GPC6: variants seen among roughly 807,000 people sequenced by gnomAD.
GPC6 encodes the protein glypican 6, also known as glypican-6.
Under a neutral mutation model 55.2 loss-of-function variants are expected in GPC6, and 14 were observed. The ratio of observed to expected loss-of-function variants is 0.25; its 90% CI spans 0.17 to 0.40. The LOEUF is 0.40. Among genes scored for constraint, GPC6 ranks in the 10% least tolerant of loss-of-function variants. The pLI, the probability that GPC6 is intolerant of heterozygous loss-of-function variation, is 1.00. For missense variants in GPC6, 641 were observed against 708.5 expected (o/e 0.90, Z 1.08); for synonymous variants, 278 against 259.6 (o/e 1.07, Z -0.68).
chr13:94,104,801 T>G (rs991579840), intron 4 of GPC6, among the ~76,000 whole-genome samples: 2 of 151,968 alleles, frequency 1.3e-5, no homozygotes, highest in African/African-American at 4.8e-5. Context: ...AAACGGCTGC[T>G]CAACAAAATA....
At chr13:93,728,635 C>T (rs1883724850) in intron 2 of GPC6, among the ~76,000 whole-genome samples, 1 of 151,726 alleles carries the variant, frequency 6.6e-6, no homozygotes, top group Non-Finnish European at 1.5e-5. Context: ...GGTACAATTT[C>T]AGCTCACTGC....
intron 1 of GPC6, among the ~76,000 whole-genome samples, chr13:93,514,685 T>C (rs1308148440): frequency 6.6e-6 from 1 of 152,188 alleles, no homozygotes; most frequent in Non-Finnish European, 1.5e-5. Context: ...TATTTTTCTA[T>C]GAAATGTGAG....
At chr13:94,115,832 C>G (rs1189453130) in intron 4 of GPC6, among the ~76,000 whole-genome samples, 1 of 152,050 alleles carries the variant, frequency 6.6e-6, no homozygotes, top group Non-Finnish European at 1.5e-5. Context: ...ATTTATAAAT[C>G]ACATTATAGT....
chr13:94,339,616 G>T (rs1877915944), intron 6 of GPC6, among the ~76,000 whole-genome samples: 1 of 152,132 alleles, frequency 6.6e-6, no homozygotes. Flanking sequence ...GATGATCTTT[G>T]TAGGTCAAAG....
At chr13:94,212,921 G>A (rs1319577396) in intron 4 of GPC6, among the ~76,000 whole-genome samples, 1 of 152,202 alleles carries the variant, frequency 6.6e-6, no homozygotes, top group African/African-American at 2.4e-5. Context: ...ACTTTGGGAG[G>A]CCAAGGTGGG....
chr13:94,028,041 G>A (rs549059414), intron 4 of GPC6, 147 bp downstream of exon 4: 32 of 756,646 alleles, frequency 4.2e-5, no homozygotes, highest in Non-Finnish European at 7.1e-5. Flanking sequence ...AGTACAGATG[G>A]ATTGCTTGAG....
intron 2 of GPC6, among the ~76,000 whole-genome samples, chr13:93,776,978 C>G (rs752487661): frequency 3.9e-5 from 6 of 152,182 alleles, no homozygotes; most frequent in Non-Finnish European, 5.9e-5. Flanking sequence ...CAACCCCTGT[C>G]AGATTTCCTT....
In GPC6 at chr13:93,612,340, A is replaced by G. The variant is rs139365000; in HGVS notation, c.319+66919A>G. On this transcript the variant is annotated intron_variant, in intron 2 of 8. Coordinates refer to ENST00000377047, the MANE Select transcript of GPC6 (RefSeq NM_005708.5). ...TGGTGAAACCCTGTCTCTACTAAAA[A>G]TGCAAAAAATTAGCCGAGCATGGTG... Among the ~76,000 whole-genome samples, 92 of 152,268 alleles carry G rather than the reference A, an allele frequency of 6.0e-4. No individual in the cohort carries two copies. In the East Asian group the frequency reaches 0.017, roughly 29 times the overall value.
chr13:93,664,096 T>C (rs1435587181), intron 2 of GPC6, among the ~76,000 whole-genome samples: 1 of 152,186 alleles, frequency 6.6e-6, no homozygotes, highest in East Asian at 1.9e-4. Context: ...TTTGTAACAC[T>C]TTTAGGAAAT....
At chr13:94,303,644 T>A (rs1875780627) in intron 5 of GPC6, among the ~76,000 whole-genome samples, 1 of 152,232 alleles carries the variant, frequency 6.6e-6, no homozygotes, top group Middle Eastern at 3.4e-3. Flanking sequence ...TTCCTCAGTT[T>A]TGGTCACAGA....
intron 2 of GPC6, among the ~76,000 whole-genome samples, chr13:93,702,635 T>C (rs959979815): frequency 1.3e-5 from 2 of 152,042 alleles, no homozygotes; most frequent in Non-Finnish European, 2.9e-5. Context: ...TGTTATTTAG[T>C]GTCCCCATCT....
At chr13:93,995,397 A>G (rs1272959375) in intron 3 of GPC6, among the ~76,000 whole-genome samples, 1 of 152,040 alleles carries the variant, frequency 6.6e-6, no homozygotes, top group Non-Finnish European at 1.5e-5. Context: ...CATGTTGTCC[A>G]GGCTGGTCTC....
At chr13:94,192,653 A>G (rs1366231605) in intron 4 of GPC6, among the ~76,000 whole-genome samples, 1 of 152,188 alleles carries the variant, frequency 6.6e-6, no homozygotes, top group Non-Finnish European at 1.5e-5. Context: ...GTACACTTGT[A>G]TGCAGAGAAA....
intron 6 of GPC6, among the ~76,000 whole-genome samples, chr13:94,322,632 T>G (rs1169118426): frequency 6.6e-6 from 1 of 152,166 alleles, no homozygotes; most frequent in East Asian, 1.9e-4. Flanking sequence ...AGATTTTTAA[T>G]TTAATAAAAA....
chr13:93,822,373 A>C (rs1594488134), intron 2 of GPC6, among the ~76,000 whole-genome samples: 1 of 152,270 alleles, frequency 6.6e-6, no homozygotes, highest in Non-Finnish European at 1.5e-5. Context: ...CAGAGGTTTG[A>C]GCATGCTCTC....
rs190541110 is a variant in GPC6 at position 93,399,777 on chromosome 13, G to T, written c.161-145486G>T. On this transcript the variant is annotated intron_variant, in intron 1 of 8. Transcript: ENST00000377047. Reference sequence around the variant, plus strand: ...ATGGGCTTTGTACACATGGCCTCCTGCCCACACCTTCCGAGCTTCCCAAAT... The same window carrying T: ...ATGGGCTTTGTACACATGGCCTCCTTCCCACACCTTCCGAGCTTCCCAAAT... Among the ~76,000 whole-genome samples, 4 of 152,312 alleles carry T rather than the reference G, an allele frequency of 2.6e-5. No homozygotes were observed. In the East Asian group the frequency reaches 7.7e-4, roughly 29 times the overall value.
intron 1 of GPC6, among the ~76,000 whole-genome samples, chr13:93,319,539 A>G (rs7982402): frequency 0.02 from 2,983 of 152,074 alleles, 79 homozygotes; most frequent in African/African-American, 0.068. Context: ...AAAACTTTGG[A>G]AGCAGGAGTA....
intron 2 of GPC6, among the ~76,000 whole-genome samples, chr13:93,611,843 A>G (rs1566449050): frequency 6.6e-6 from 1 of 152,212 alleles, no homozygotes; most frequent in African/African-American, 2.4e-5. Context: ...AAAGCTAACT[A>G]TGTAAACATT....
At chr13:94,233,727 G>T (rs1890796743) in intron 4 of GPC6, among the ~76,000 whole-genome samples, 1 of 152,060 alleles carries the variant, frequency 6.6e-6, no homozygotes, top group African/African-American at 2.4e-5. Context: ...TCTTAATAAT[G>T]ACCCAAAGGT....
Sources: gnomAD v4.1 joint callset for allele counts (sites outside exome capture counted in the v4.1 genomes callset) on GRCh38, gnomAD v4.1.1 for gene constraint, MANE v1.5 for transcripts, NCBI Gene and HGNC (gene_info 2026-07-23, HGNC 2026-07-21) for gene names.